The following SLC28A1 variants were observed in gnomAD, a reference collection of about 807,000 sequenced individuals.
The protein encoded by SLC28A1 is sodium/nucleoside cotransporter 1.
SLC28A1 carries 64 observed loss-of-function variants against 74.8 expected under a neutral mutation model. The observed-to-expected ratio is 0.86, with a 90% confidence interval of 0.70 to 1.05. The LOEUF (loss-of-function observed/expected upper bound fraction) is 1.05, where lower values mean the gene tolerates loss of function less well. SLC28A1 is among the 50% of genes least tolerant of loss of function. The pLI is 0.00. For missense variants in SLC28A1, 828 were observed against 822.8 expected (o/e 1.01, Z -0.08); for synonymous variants, 359 against 335.0 (o/e 1.07, Z -0.78).
intron 9 of SLC28A1, among the ~76,000 whole-genome samples, chr15:84,912,540 T>C (rs1488057794): frequency 6.6e-6 from 1 of 152,108 alleles, no homozygotes; most frequent in Non-Finnish European, 1.5e-5. Context: ...TCATTCCACC[T>C]TGGCTCTGTC....
chr15:84,911,482 C>T (rs564745805), intron 9 of SLC28A1, among the ~76,000 whole-genome samples: 5 of 152,324 alleles, frequency 3.3e-5, no homozygotes, highest in African/African-American at 1.2e-4. Flanking sequence ...TGTATTCTTC[C>T]TCATACTATC....
At chr15:84,924,282 G>C (rs1205712961) in intron 12 of SLC28A1, among the ~76,000 whole-genome samples, 172 bp downstream of exon 12, 1 of 151,796 alleles carries the variant, frequency 6.6e-6, no homozygotes, top group Non-Finnish European at 1.5e-5. Context: ...ATTTGCTCGG[G>C]CTTTGCGCAT....
chr15:84,935,098 T>C lies in SLC28A1; in HGVS notation c.1287T>C (p.Ala429=). Residue 429 remains alanine (A), a synonymous_variant, in exon 14 of 19, where the codon GCT becomes GCC. Transcript: ENST00000394573. ...CCGTGAAGGTGGTCGCCAACATCGC[T>C]GCCAACCTGATTGCGTTCCTGGCTG... The part of the protein sequence containing the change: ...AISVKVVANI[A]ANLIAFLAVL... 1.2e-6 allele frequency: 2 copies of C among 1,614,124 alleles called. No individual in the cohort carries two copies. The highest frequency in any genetic ancestry group is 2.2e-5 in the East Asian group (1 of 44,884).
chr15:84,945,027 C>A, intron 18 of SLC28A1, 98 bp from the exon 19 acceptor site: 3 of 1,210,016 alleles, frequency 2.5e-6, no homozygotes, highest in Non-Finnish European at 3.7e-6. Context: ...GAAGGGTGGA[C>A]CAGAGACTTG....
downstream of SLC28A1, among the ~76,000 whole-genome samples, chr15:84,950,436 T>C (rs1338898276): frequency 6.6e-6 from 1 of 150,938 alleles, no homozygotes. Context: ...AAAAACTACA[T>C]TTCTCAGCTA....
intron 5 of SLC28A1, among the ~76,000 whole-genome samples, chr15:84,893,839 C>A (rs1406894448): frequency 6.6e-6 from 1 of 152,220 alleles, no homozygotes; most frequent in Non-Finnish European, 1.5e-5. Flanking sequence ...TGGGACCTCC[C>A]TGGGACTCGA....
At chr15:84,954,166 C>G in the SLC28A1 span, among the ~76,000 whole-genome samples, 1 of 152,184 alleles carries the variant, frequency 6.6e-6, no homozygotes, top group Non-Finnish European at 1.5e-5. Context: ...GTGTGCCCTC[C>G]TCCAGACCCA....
chr15:84,889,641 T>C (rs1437723620), intron 4 of SLC28A1, among the ~76,000 whole-genome samples: 1 of 151,814 alleles, frequency 6.6e-6, no homozygotes, highest in Admixed American at 6.6e-5. Context: ...TTCTTTTCTT[T>C]TCTTTTCCTT....
intron 15 of SLC28A1, among the ~76,000 whole-genome samples, chr15:84,936,398 C>G (rs189787448): frequency 6.6e-6 from 1 of 152,208 alleles, no homozygotes; most frequent in South Asian, 2.1e-4. Flanking sequence ...GCTGGGACTA[C>G]AGATGCCTGC....
At chr15:84,916,658 C>G (rs779755334) in intron 9 of SLC28A1, among the ~76,000 whole-genome samples, 3 of 152,148 alleles carry the variant, frequency 2.0e-5, no homozygotes, top group Non-Finnish European at 4.4e-5. Flanking sequence ...ATTCAAAGTT[C>G]AAAGCCAAAC....
chr15:84,912,806 G>GTGCGCACA (rs1555449154), intron 9 of SLC28A1, among the ~76,000 whole-genome samples: 1 of 112,202 alleles, frequency 8.9e-6, no homozygotes, highest in African/African-American at 3.3e-5. Flanking sequence ...TTGCGCGCGC[G>GTGCGCACA]CACACACACA....
the SLC28A1 span, among the ~76,000 whole-genome samples, chr15:84,964,996 T>C: frequency 6.6e-6 from 1 of 152,148 alleles, no homozygotes; most frequent in Non-Finnish European, 1.5e-5. Context: ...ATCCTCAGTA[T>C]GGAATGCCAG....
intron 12 of SLC28A1, among the ~76,000 whole-genome samples, chr15:84,928,330 G>T (rs1413278211): frequency 2.0e-5 from 3 of 151,620 alleles, no homozygotes; most frequent in Non-Finnish European, 2.9e-5. Flanking sequence ...TCAATCTCTG[G>T]GTCTGCCCCA....
Position 84,890,498 on chromosome 15 carries a change from C to T in SLC28A1, c.241C>T (p.Leu81=), listed in dbSNP as rs1965246375. Residue 81 remains leucine, a synonymous_variant, in exon 5 of 19, where the codon CTG becomes TTG. Coordinates refer to ENST00000394573, the MANE Select transcript of SLC28A1 (RefSeq NM_004213.5). ...AAGCTTCTGCAGGGAGCACATGCAG[C>T]TGTTTCGATGGATCGGCACAGGCCT... ...ARSFCREHMQ[L]FRWIGTGLLC... is the part of the protein sequence containing the mutation. The T allele has an allele frequency of 1.2e-6, 2 of 1,611,386 alleles. No individual in the cohort carries two copies. The highest frequency in any genetic ancestry group is 1.3e-5 in the African/African-American group (1 of 74,910).
chr15:84,966,936 T>C, the SLC28A1 span, among the ~76,000 whole-genome samples: 2 of 151,856 alleles, frequency 1.3e-5, no homozygotes, highest in African/African-American at 2.4e-5. Context: ...CATGCCCAGC[T>C]AAGTTTTTTA....
intron 16 of SLC28A1, 101 bp from the exon 17 acceptor site, chr15:84,944,465 A>G: frequency 1.3e-6 from 1 of 786,466 alleles, no homozygotes. Flanking sequence ...CCATCTATTA[A>G]TAGAAGAGGA....
In SLC28A1 at chr15:84,944,757, G is replaced by A. The variant is rs868101671; in HGVS notation, c.1764G>A (p.Gly588=). Residue 588 remains glycine (G), a splice_region_variant and synonymous_variant, in exon 18 of 19, where the codon GGG becomes GGA. Coordinates refer to ENST00000394573, the MANE Select transcript of SLC28A1 (RefSeq NM_004213.5). ...CVSLVNACMA[G]ILYMPRGAEV... The stretch of plus-strand genomic sequence containing the variant: ...CCACCCACCACTTTCCCTCTACAGG[G>A]ATCCTCTACATGCCCAGGGGGGCTG... The A allele has an allele frequency of 1.4e-5, 22 of 1,612,972 alleles. No homozygotes were observed. Among genetic ancestry groups the A allele is most frequent in the Non-Finnish European group, 1.9e-5 (22 of 1,178,974 alleles).
Position 84,929,044 on chromosome 15 carries a change from C to T in SLC28A1, c.1084-4101C>T, listed in dbSNP as rs80162416. The stretch of plus-strand genomic sequence containing the variant: ...TCTCCACGGTCCAGTACAGTAGCCA[C>T]CAAACACACATAGCTATTGAGCACT... On this transcript the variant is annotated intron_variant, in intron 12 of 18. Transcript: ENST00000394573. 4.6e-3 allele frequency among the ~76,000 whole-genome samples: 707 copies of T among 152,258 alleles called. 7 individuals are homozygous for T. Among genetic ancestry groups the T allele is most frequent in the African/African-American group, 0.016 (674 of 41,552 alleles).
intron 15 of SLC28A1, among the ~76,000 whole-genome samples, chr15:84,943,215 A>C (rs1393493184): frequency 6.6e-6 from 1 of 151,672 alleles, no homozygotes; most frequent in East Asian, 1.9e-4. Flanking sequence ...AAAAAGAAAC[A>C]AAAAAAGTTG....
Sources: allele counts gnomAD v4.1 joint callset (sites outside exome capture counted in the v4.1 genomes callset), GRCh38; gene constraint gnomAD v4.1.1; transcripts MANE v1.5; gene names NCBI Gene and HGNC (gene_info 2026-07-23, HGNC 2026-07-21).